LDHA: variants seen among roughly 807,000 people sequenced by gnomAD.
The protein encoded by LDHA is L-lactate dehydrogenase A chain.
In LDHA, 10 loss-of-function variants were observed where a neutral mutation model predicts 36.3. The observed-to-expected ratio is 0.28, with a 90% confidence interval of 0.17 to 0.47. LDHA has a LOEUF of 0.47. Among genes scored for constraint, LDHA ranks in the 20% least tolerant of loss-of-function variants. LDHA has a pLI of 0.99. For synonymous variants in LDHA, 110 were observed against 136.7 expected (o/e 0.80, Z 1.36); for missense variants, 267 against 405.8 (o/e 0.66, Z 2.94).
chr11:18,402,482 G>T, intron 4 of LDHA: 1 of 277,670 alleles, frequency 3.6e-6, no homozygotes, highest in Non-Finnish European at 7.0e-6. Flanking sequence ...TTTTTTTGTA[G>T]AGATGGGGTT....
At chr11:18,399,835 TCCTC>T (rs1223519790) in intron 3 of LDHA, 2 of 380,354 alleles carry the variant, frequency 5.3e-6, no homozygotes, top group Admixed American at 3.7e-5. Flanking sequence ...GCTCAAGTGA[TCCTC>T]CCTCCTTAGC....
rs961008215 is a variant in LDHA, at chr11:18,407,228, T to A, written c.946T>A (p.Leu316Met). 5 of 1,614,012 alleles carry A rather than the reference T, an allele frequency of 3.1e-6. No homozygotes were observed. Among genetic ancestry groups the A allele is most frequent in the Non-Finnish European group, 4.2e-6 (5 of 1,179,906 alleles). The change falls in exon 8 of 8, where the codon TTG becomes ATG. Residue 316 changes from leucine (L) to methionine (M), a missense_variant. By Grantham distance (15) the Leu-to-Met change is conservative. Transcript: ENST00000422447. Reference protein sequence around the residue: ...VTLTSEEEARLKKSADTLWGI... With the variant: ...VTLTSEEEARMKKSADTLWGI... The stretch of plus-strand genomic sequence containing the variant: ...TCTGACTTCTGAGGAAGAGGCCCGT[T>A]TGAAGAAGAGTGCAGATACACTTTG...
At chr11:18,404,401 A>G (rs1379819170) in intron 6 of LDHA, among the ~76,000 whole-genome samples, 5 of 151,796 alleles carry the variant, frequency 3.3e-5, no homozygotes, top group Admixed American at 2.6e-4. Context: ...CCTGGGTGAC[A>G]GAGTAAGAGC....
chr11:18,397,940 AC>A (rs1866355318), intron 2 of LDHA, among the ~76,000 whole-genome samples: 1 of 152,234 alleles, frequency 6.6e-6, no homozygotes, highest in Non-Finnish European at 1.5e-5. Context: ...AGGCCTCGTA[AC>A]AACACAGGTG....
intron 1 of LDHA, among the ~76,000 whole-genome samples, chr11:18,395,509 T>C (rs2134015349): frequency 6.6e-6 from 1 of 152,226 alleles, no homozygotes; most frequent in East Asian, 1.9e-4. Flanking sequence ...TCAGTGAAGC[T>C]AGCAGGTGTC....
chr11:18,403,926 G>A, intron 6 of LDHA, 115 bp downstream of exon 6: 1 of 737,804 alleles, frequency 1.4e-6, no homozygotes, highest in South Asian at 1.5e-5. Flanking sequence ...AAACTTGTGT[G>A]GTTTTTTTGT....
chr11:18,406,924 T>G (rs1866705163), intron 7 of LDHA, among the ~76,000 whole-genome samples, 193 bp from the exon 8 acceptor site: 1 of 151,714 alleles, frequency 6.6e-6, no homozygotes, highest in South Asian at 2.1e-4. Context: ...GAGAATTACT[T>G]GAACCCTGGA....
rs1185618045 is a variant in LDHA, at chr11:18,396,688, TC to T, written c.-24-128del. 5 of 1,366,174 alleles carry T rather than the reference TC, an allele frequency of 3.7e-6. No individual in the cohort carries two copies. The African/African-American group carries it at 5.9e-5, about 16-fold the overall frequency. 84.6% of individuals were successfully genotyped at this position (1,366,174 alleles called of 1,614,324 possible). On this transcript the variant is annotated intron_variant, in intron 1 of 7. Transcript: ENST00000422447. ...TTGGCAACCATTAGGTTTTTTCCCC[TC>T]CCTTTTTAGTCATCTCTAGTGATTT...
chr11:18,401,066 GAT>G (rs768363414), intron 4 of LDHA, 56 bp downstream of exon 4: 8 of 814,390 alleles, frequency 9.8e-6, no homozygotes, highest in African/African-American at 1.8e-5. Flanking sequence ...GATAGTATAT[GAT>G]ATATATATTA....
intron 6 of LDHA, among the ~76,000 whole-genome samples, 170 bp downstream of exon 6, chr11:18,403,981 A>AG (rs1866585991): frequency 6.6e-6 from 1 of 152,332 alleles, no homozygotes; most frequent in African/African-American, 2.4e-5. Flanking sequence ...CACAGGCTGC[A>AG]GTGCAGTGGC....
Position 18,407,692 on chromosome 11 carries a change from C to G in LDHA, c.*411C>G. 1.9e-6 allele frequency: 1 copy of G among 513,068 alleles called. No homozygotes were observed. The highest frequency in any genetic ancestry group is 3.8e-6 in the Non-Finnish European group (1 of 266,318). 31.8% of individuals were successfully genotyped at this position (513,068 alleles called of 1,614,324 possible). A position where few individuals can be genotyped will look rare whatever the true frequency, so the allele number is the denominator to read the frequency against. On this transcript the variant is annotated 3_prime_UTR_variant, in exon 8 of 8. Transcript: ENST00000422447. ...GGGATCCAGTGTATAAATCCAATATCATGTCTTGTGCATAATTCTTCCAAA... is the reference window on the plus strand; with the variant it reads ...GGGATCCAGTGTATAAATCCAATATGATGTCTTGTGCATAATTCTTCCAAA...
chr11:18,399,348 C>T, intron 2 of LDHA, 83 bp from the exon 3 acceptor site: 1 of 980,276 alleles, frequency 1.0e-6, no homozygotes, highest in South Asian at 1.3e-5. Context: ...TCTCCTATGC[C>T]AGAAATATAG....
chr11:18,396,962 A>G lies in LDHA; in HGVS notation c.120A>G (p.Leu40=), dbSNP rs777893906. Residue 40 remains leucine, a synonymous_variant, in exon 2 of 8, where the codon TTA becomes TTG. Transcript: ENST00000422447. The part of the protein sequence containing the change: ...AVGMACAISI[L]MKDLADELAL... ...GCATGGCCTGTGCCATCAGTATCTT[A>G]ATGAAGGTAAGTGAGAGTCTACCAC... 2.5e-6 allele frequency: 4 copies of G among 1,613,982 alleles called. No homozygotes were observed. Among genetic ancestry groups the G allele is most frequent in the Non-Finnish European group, 3.4e-6 (4 of 1,180,006 alleles).
At chr11:18,405,639 G>A (rs1340348731) in intron 7 of LDHA, 67 bp downstream of exon 7, 3 of 1,532,894 alleles carry the variant, frequency 2.0e-6, no homozygotes, top group Non-Finnish European at 2.7e-6. Flanking sequence ...AGATTCTTCT[G>A]AGAAAGATTA....
chr11:18,397,058 A>G (rs1866329661), intron 2 of LDHA, 90 bp downstream of exon 2: 1 of 1,168,062 alleles, frequency 8.6e-7, no homozygotes, highest in East Asian at 2.4e-5. Flanking sequence ...ATTACATTTC[A>G]TGTAACAGTA....
chr11:18,394,888 TG>T, intron 1 of LDHA: 2 of 351,796 alleles, frequency 5.7e-6, no homozygotes. Flanking sequence ...ACCGAGGAGG[TG>T]GCCGCACCCA....
At position 18,407,720 on chromosome 11, in the gene LDHA, A is replaced by G. The variant is rs1163235721; in HGVS notation, c.*439A>G. 13 of 479,854 alleles carry G rather than the reference A, an allele frequency of 2.7e-5. No individual in the cohort carries two copies. The East Asian group carries it at 7.9e-4, about 29-fold the overall frequency. The allele number at this position is 479,854 out of a possible 1,614,324, so 29.7% of individuals were successfully genotyped here. ...GTCTTGTGCATAATTCTTCCAAAGG[A>G]TCTTATTTTGTGAACTATATCAGTA... On this transcript the variant is annotated 3_prime_UTR_variant, in exon 8 of 8. Coordinates refer to ENST00000422447, the MANE Select transcript of LDHA (RefSeq NM_005566.4).
intron 7 of LDHA, chr11:18,405,918 T>C (rs1866665662): frequency 7.1e-6 from 2 of 282,492 alleles, no homozygotes; most frequent in South Asian, 3.4e-5. Context: ...CTTTCTTTTA[T>C]ACTATTAATT....
At chr11:18,396,490 A>C in intron 1 of LDHA, 1 of 856,214 alleles carries the variant, frequency 1.2e-6, no homozygotes, top group Non-Finnish European at 1.6e-6. Context: ...GAGCCGGAGT[A>C]GCTCAGAGTG....
Sources: allele counts gnomAD v4.1 joint callset (sites outside exome capture counted in the v4.1 genomes callset), GRCh38; gene constraint gnomAD v4.1.1; transcripts MANE v1.5; gene names NCBI Gene and HGNC (gene_info 2026-07-23, HGNC 2026-07-21).